The following SMIM45 variants were observed in gnomAD, a reference collection of about 807,000 sequenced individuals.
The protein encoded by SMIM45 is small integral membrane protein 45, also known as long intergenic non-protein coding RNA 634.
the SMIM45 span, among the ~76,000 whole-genome samples, chr22:41,951,978 C>A: frequency 6.6e-6 from 1 of 152,256 alleles, no homozygotes; most frequent in South Asian, 2.1e-4. Flanking sequence ...CGCACTCCCC[C>A]AATCCTGCCG....
chr22:41,953,588 T>C, the SMIM45 span, among the ~76,000 whole-genome samples: 2 of 152,156 alleles, frequency 1.3e-5, no homozygotes, highest in African/African-American at 4.8e-5. Flanking sequence ...GTGAAGTTTG[T>C]GGAGGAAGTC....
At chr22:41,953,903 A>G in the SMIM45 span, among the ~76,000 whole-genome samples, 2 of 150,940 alleles carry the variant, frequency 1.3e-5, no homozygotes, top group Non-Finnish European at 2.9e-5. Flanking sequence ...GGCACCTGCC[A>G]CCACGCCTGG....
At chr22:41,956,982 T>G in the SMIM45 span, among the ~76,000 whole-genome samples, 1 of 152,002 alleles carries the variant, frequency 6.6e-6, no homozygotes, top group Non-Finnish European at 1.5e-5. Flanking sequence ...GGTTTCACCA[T>G]ATTGGCCAGG....
the SMIM45 span, among the ~76,000 whole-genome samples, chr22:41,956,954 T>C: frequency 1.2e-4 from 18 of 152,246 alleles, no homozygotes; most frequent in African/African-American, 4.3e-4. Flanking sequence ...CTAATTTTTG[T>C]ATTTTTAGTA....
chr22:41,948,477 T>G, the SMIM45 span, among the ~76,000 whole-genome samples: 2 of 152,140 alleles, frequency 1.3e-5, no homozygotes, highest in Non-Finnish European at 2.9e-5. Flanking sequence ...TACTGCAGAC[T>G]AAACTAACTG....
chr22:41,955,459 A>T, the SMIM45 span, among the ~76,000 whole-genome samples: 1 of 151,768 alleles, frequency 6.6e-6, no homozygotes, highest in African/African-American at 2.4e-5. Flanking sequence ...GATCATAGGC[A>T]TGAGCCATTG....
At chr22:41,951,170 C>T in the SMIM45 span, among the ~76,000 whole-genome samples, 4 of 152,350 alleles carry the variant, frequency 2.6e-5, no homozygotes, top group South Asian at 4.1e-4. Context: ...TTTCTGGGAA[C>T]GGATTCCCTA....
the SMIM45 span, chr22:41,947,165 C>T: frequency 1.6e-6 from 2 of 1,275,942 alleles, no homozygotes; most frequent in South Asian, 2.5e-5. Flanking sequence ...GGCCTGGGGG[C>T]ACGTGCCTCC....
chr22:41,957,559 C>G, the SMIM45 span: 1 of 152,626 alleles, frequency 6.6e-6, no homozygotes, highest in African/African-American at 2.4e-5. Flanking sequence ...CTCAGTCTCC[C>G]CATTTGTAAA....
chr22:41,948,603 G>A, the SMIM45 span, among the ~76,000 whole-genome samples: 2 of 152,166 alleles, frequency 1.3e-5, no homozygotes, highest in African/African-American at 4.8e-5. Flanking sequence ...TGAAAGTCAA[G>A]CAGTAGTAGG....
the SMIM45 span, among the ~76,000 whole-genome samples, chr22:41,954,835 G>A: frequency 2.0e-5 from 3 of 151,940 alleles, no homozygotes; most frequent in African/African-American, 4.8e-5. Context: ...GCAAAACCCC[G>A]TCTCTACTAA....
the SMIM45 span, among the ~76,000 whole-genome samples, chr22:41,957,038 C>T: frequency 6.6e-6 from 1 of 151,968 alleles, no homozygotes; most frequent in Admixed American, 6.6e-5. Context: ...ACCTCGGCCT[C>T]CCAAAGTGCT....
the SMIM45 span, chr22:41,946,955 C>G: frequency 1.3e-6 from 2 of 1,531,670 alleles, no homozygotes; most frequent in Non-Finnish European, 9.0e-7. Flanking sequence ...GCTCAGTTGA[C>G]CTAGTGGCTG....
At chr22:41,947,769 C>A in the SMIM45 span, among the ~76,000 whole-genome samples, 81,322 of 150,224 alleles carry the variant, frequency 0.54, 25,135 homozygotes, top group African/African-American at 0.84. Flanking sequence ...GGGCTCAAGT[C>A]ATCTTCCTGG....
the SMIM45 span, among the ~76,000 whole-genome samples, chr22:41,953,717 A>G: frequency 7.1e-6 from 1 of 140,214 alleles, no homozygotes; most frequent in African/African-American, 2.5e-5. Context: ...TCCCTGGAGG[A>G]GATGATCTGT....
At chr22:41,948,646 C>T in the SMIM45 span, among the ~76,000 whole-genome samples, 1 of 152,220 alleles carries the variant, frequency 6.6e-6, no homozygotes, top group African/African-American at 2.4e-5. Flanking sequence ...AAGCTGAACG[C>T]CGTGGCTCAT....
the SMIM45 span, among the ~76,000 whole-genome samples, chr22:41,949,243 C>CAA: frequency 7.5e-5 from 10 of 133,324 alleles, no homozygotes; most frequent in Non-Finnish European, 1.5e-4. Context: ...GACTCCATCT[C>CAA]AAAAAAAAAA....
the SMIM45 span, among the ~76,000 whole-genome samples, chr22:41,950,484 G>A: frequency 6.6e-6 from 1 of 150,402 alleles, no homozygotes; most frequent in African/African-American, 2.5e-5. Context: ...GATAGCTTGA[G>A]GCCAGAAGTT....
At chr22:41,952,474 T>A in the SMIM45 span, 1 of 151,904 alleles carries the variant, frequency 6.6e-6, no homozygotes, top group African/African-American at 2.4e-5. Flanking sequence ...GCTTGGGAGG[T>A]AGGGAGAGGG....
Sources: gnomAD v4.1 joint callset for allele counts (sites outside exome capture counted in the v4.1 genomes callset) on GRCh38, gnomAD v4.1.1 for gene constraint, MANE v1.5 for transcripts, NCBI Gene and HGNC (gene_info 2026-07-23, HGNC 2026-07-21) for gene names.